The following BCLAF1 variants were observed in gnomAD, a reference collection of about 807,000 sequenced individuals.
The protein encoded by BCLAF1 is bcl-2-associated transcription factor 1.
In BCLAF1, 10 loss-of-function variants were observed where a neutral mutation model predicts 99.5. The ratio of observed to expected loss-of-function variants is 0.10; its 90% confidence interval spans 0.06 to 0.17. The LOEUF is 0.17. Among genes scored for constraint, BCLAF1 ranks in the 10% least tolerant of loss-of-function variants. The pLI, the probability that BCLAF1 is intolerant of heterozygous loss-of-function variation, is 1.00. For missense variants in BCLAF1, 636 were observed against 1,105.8 expected (o/e 0.58, Z 6.02); for synonymous variants, 255 against 370.9 (o/e 0.69, Z 3.59).
intron 2 of BCLAF1, among the ~76,000 whole-genome samples, chr6:136,280,261 T>G (rs963833355): frequency 1.3e-5 from 2 of 152,154 alleles, no homozygotes; most frequent in African/African-American, 4.8e-5. Context: ...GTACTACAGA[T>G]AAGGCAACTG....
chr6:136,261,460 A>G lies in BCLAF1; in HGVS notation c.2562T>C (p.Asp854=). Reference sequence around the variant, plus strand: ...CTCTTTTGGCCCAATAATCCACACCATCATCTCTGTCGTCATGCTACAGAA... The same window carrying G: ...CTCTTTTGGCCCAATAATCCACACCGTCATCTCTGTCGTCATGCTACAGAA... The part of the protein sequence containing the change: ...KKYFLHDDRD[D]GVDYWAKRGR... The change falls in exon 12 of 13, where the codon GAT becomes GAC. Residue 854 remains aspartate, a synonymous_variant. Transcript: ENST00000531224. 2 of 1,613,488 alleles carry G rather than the reference A, an allele frequency of 1.2e-6. No homozygotes were observed. The highest frequency in any genetic ancestry group is 1.1e-5 in the South Asian group (1 of 91,034).
At chr6:136,274,560 T>C (rs11967917) in intron 6 of BCLAF1, among the ~76,000 whole-genome samples, 2 of 152,062 alleles carry the variant, frequency 1.3e-5, no homozygotes, top group African/African-American at 4.8e-5. Context: ...CTATTCACTG[T>C]TCTGATGTAT....
At position 136,272,085 on chromosome 6, in the gene BCLAF1, T is replaced by C. The variant is rs750394739; in HGVS notation, c.1959-6A>G. 5 of 1,564,670 alleles carry C rather than the reference T, an allele frequency of 3.2e-6. No individual in the cohort carries two copies. The highest frequency in any genetic ancestry group is 1.2e-5 in the South Asian group (1 of 85,498). On this transcript the variant is annotated splice_region_variant and splice_polypyrimidine_tract_variant and intron_variant, in intron 7 of 12. Transcript: ENST00000531224. ...TTGGTGAGATGTCAATTCTCCTTAA[T>C]GTAAAATAAAATATATTTTTAGTCA...
Position 136,278,584 on chromosome 6 carries a change from T to G in BCLAF1, c.297A>C (p.Arg99Ser), listed in dbSNP as rs1428735689. ...HRGGYRPVWN[R>S]RHSRSPRRGR... ...CTCGTCTAGGACTCCTAGAGTGCCT[T>G]CTATTCCAGACAGGTCTATAACCAC... Residue 99 changes from arginine to serine, a missense_variant, in exon 4 of 13, where the codon AGA (arginine) becomes AGC (serine). By Grantham distance (110) the Arg-to-Ser change is moderately radical. Around this residue, in one of 9 missense-constraint regions of BCLAF1, gnomAD observed 81 missense variants for 132.5 expected, o/e 0.61. Transcript: ENST00000531224. The G allele has an allele frequency of 6.2e-7, 1 of 1,602,558 alleles. No individual in the cohort carries two copies. The highest frequency in any genetic ancestry group is 1.7e-5 in the Admixed American group (1 of 57,148).
At position 136,279,855 on chromosome 6, in the gene BCLAF1, G is replaced by T; in HGVS notation, c.12C>A (p.Ser4=). 1 of 1,535,996 alleles carries T rather than the reference G, an allele frequency of 6.5e-7. No homozygotes were observed. The part of the protein sequence containing the change: MGR[S]NSRSHSSRSK... ...ACCTTGAAGAATGTGATCTAGAATTGGAGCGACCCATTTCTTTTCTCCTAA... is the reference window on the plus strand; with the variant it reads ...ACCTTGAAGAATGTGATCTAGAATTTGAGCGACCCATTTCTTTTCTCCTAA... The change falls in exon 3 of 13, where the codon TCC becomes TCA. Residue 4 remains serine (S), a synonymous_variant. Transcript: ENST00000531224.
rs924343189 is a variant in BCLAF1, at chr6:136,258,918, C to A, written c.*2192G>T. ...AATATCCTTTGGTTCATTTTTATTG[C>A]CCCTCTCTAGGCAAAACAAAGTATG... On this transcript the variant is annotated 3_prime_UTR_variant, in exon 13 of 13. Transcript: ENST00000531224. 2.0e-5 allele frequency: 3 copies of A among 152,406 alleles called. No individual in the cohort carries two copies. The highest frequency in any genetic ancestry group is 7.2e-5 in the African/African-American group (3 of 41,388). The allele number at this position is 152,406 out of a possible 1,614,324, so 9.4% of individuals were successfully genotyped here. A position where few individuals can be genotyped will look rare whatever the true frequency, so the allele number is the denominator to read the frequency against.
Position 136,276,286 on chromosome 6 carries a change from C to T in BCLAF1, c.1239G>A (p.Lys413=), listed in dbSNP as rs749627319. The change falls in exon 5 of 13, where the codon AAG becomes AAA. Residue 413 remains lysine, a synonymous_variant. Coordinates refer to ENST00000531224, the MANE Select transcript of BCLAF1 (RefSeq NM_014739.3). Reference sequence around the variant, plus strand: ...TTTTACCCTGATCTGCGAGGACTGACTTCCTGAACTGTCTATAATCCTCTG... The same window carrying T: ...TTTTACCCTGATCTGCGAGGACTGATTTCCTGAACTGTCTATAATCCTCTG... ...EETEDYRQFR[K]SVLADQGKSF... 1 of 1,588,132 alleles carries T rather than the reference C, an allele frequency of 6.3e-7. No individual in the cohort carries two copies. The highest frequency in any genetic ancestry group is 8.6e-7 in the Non-Finnish European group (1 of 1,169,072).
At chr6:136,267,424 T>A (rs1781869951) in intron 10 of BCLAF1, among the ~76,000 whole-genome samples, 1 of 152,006 alleles carries the variant, frequency 6.6e-6, no homozygotes, top group African/African-American at 2.4e-5. Flanking sequence ...ACTGAACTAA[T>A]ATTTTTAAAT....
In BCLAF1 at chr6:136,285,029, AG is replaced by A. The variant is rs1268833979; in HGVS notation, c.-114-2343del. On this transcript the variant is annotated intron_variant, in intron 1 of 12. Coordinates refer to ENST00000531224, the MANE Select transcript of BCLAF1 (RefSeq NM_014739.3). Reference sequence around the variant, plus strand: ...ATTCAGGACAGAAAGACCAATAAGAAGGTTGAGACAACGTGATCAAGGAGTT... The same window carrying A: ...ATTCAGGACAGAAAGACCAATAAGAAGTTGAGACAACGTGATCAAGGAGTT... Among the ~76,000 whole-genome samples the A allele has an allele frequency of 1.4e-4, 22 of 152,316 alleles. No homozygotes were observed. In the East Asian group the frequency reaches 3.3e-3, roughly 23 times the overall value.
intron 7 of BCLAF1, among the ~76,000 whole-genome samples, 187 bp from the exon 8 acceptor site, chr6:136,272,266 T>C (rs942174135): frequency 5.9e-5 from 9 of 151,894 alleles, no homozygotes; most frequent in Admixed American, 5.9e-4. Flanking sequence ...TGAATTAAAA[T>C]GCTCCAACCA....
chr6:136,261,240 A>C (rs1312449513), intron 12 of BCLAF1, 25 bp downstream of exon 12: 1 of 1,604,738 alleles, frequency 6.2e-7, no homozygotes, highest in Admixed American at 1.7e-5. Context: ...AAAATCTGTC[A>C]GAATCACAAG....
rs767318272 is a variant in BCLAF1, at chr6:136,275,642, T to C, written c.1742A>G (p.Lys581Arg). 1.3e-6 allele frequency: 2 copies of C among 1,598,124 alleles called. No individual in the cohort carries two copies. Among genetic ancestry groups the C allele is most frequent in the Non-Finnish European group, 1.7e-6 (2 of 1,173,540 alleles). Residue 581 changes from lysine to arginine, a missense_variant, in exon 6 of 13, where the codon AAG (lysine) becomes AGG (arginine). Around this residue, in one of 9 missense-constraint regions of BCLAF1, gnomAD observed 180 missense variants for 270.0 expected, o/e 0.67. Coordinates refer to ENST00000531224, the MANE Select transcript of BCLAF1 (RefSeq NM_014739.3). ...LASTLVHSVK[K>R]EQEFRSIFDH... ...AAAGATGGATCGGAATTCTTGCTCC[T>C]TCTTGACAGAATGGACAAGTGTACT...
chr6:136,286,354 C>T (rs1785128999), intron 1 of BCLAF1, among the ~76,000 whole-genome samples: 1 of 152,196 alleles, frequency 6.6e-6, no homozygotes, highest in Non-Finnish European at 1.5e-5. Flanking sequence ...TAACTAGCTG[C>T]CCAACACTGA....
chr6:136,257,063 C>G lies in BCLAF1; in HGVS notation c.*4047G>C, dbSNP rs1241699221. The G allele has an allele frequency of 1.3e-5, 2 of 152,048 alleles. No homozygotes were observed. The highest frequency in any genetic ancestry group is 2.9e-5 in the Non-Finnish European group (2 of 68,000). 9.4% of individuals were successfully genotyped at this position (152,048 alleles called of 1,614,324 possible). On this transcript the variant is annotated 3_prime_UTR_variant, in exon 13 of 13. Transcript: ENST00000531224. The stretch of plus-strand genomic sequence containing the variant: ...AATGAAATCTGGAAGCTGGCCAACC[C>G]CAAAAGATTAAGAAAAATTCGATGT...
intron 9 of BCLAF1, chr6:136,269,111 G>A: frequency 8.6e-7 from 1 of 1,166,404 alleles, no homozygotes; most frequent in South Asian, 1.9e-5. Flanking sequence ...AAAAAGTGCG[G>A]AATCAAGCAT....
At chr6:136,264,583 G>A (rs1781468047) in intron 11 of BCLAF1, among the ~76,000 whole-genome samples, 1 of 152,082 alleles carries the variant, frequency 6.6e-6, no homozygotes, top group Non-Finnish European at 1.5e-5. Flanking sequence ...AAGAACCTAA[G>A]GGAATGAATG....
At chr6:136,268,717 C>A (rs1038779475) in intron 9 of BCLAF1, 2 of 195,572 alleles carry the variant, frequency 1.0e-5, no homozygotes, top group African/African-American at 2.4e-5. Flanking sequence ...AGTTTGTACA[C>A]CCTGGGTGAA....
chr6:136,275,084 GA>G (rs758010785), intron 6 of BCLAF1, among the ~76,000 whole-genome samples: 4 of 151,962 alleles, frequency 2.6e-5, no homozygotes, highest in Non-Finnish European at 5.9e-5. Flanking sequence ...CACCATTTCA[GA>G]TTTCTTTAAA....
intron 1 of BCLAF1, among the ~76,000 whole-genome samples, chr6:136,287,418 G>A (rs1247766023): frequency 1.3e-5 from 2 of 152,168 alleles, no homozygotes; most frequent in Non-Finnish European, 2.9e-5. Context: ...CAGCCTTAGG[G>A]ACAGTCAGAT....
Sources: allele counts gnomAD v4.1 joint callset (sites outside exome capture counted in the v4.1 genomes callset), GRCh38; gene constraint gnomAD v4.1.1; regional missense constraint gnomAD v4.1.1; transcripts MANE v1.5; gene names NCBI Gene and HGNC (gene_info 2026-07-23, HGNC 2026-07-21).